TENM1: variants seen among roughly 807,000 people sequenced by gnomAD.
TENM1 encodes teneurin-1.
A neutral mutation model predicts 174.8 loss-of-function variants in TENM1; 35 were observed. The ratio of observed to expected loss-of-function variants is 0.20; its 90% CI spans 0.15 to 0.27. TENM1 has a LOEUF of 0.27. TENM1 is among the 10% of genes least tolerant of loss of function. TENM1 has a pLI of 1.00. For synonymous variants in TENM1, 781 were observed against 798.7 expected, an observed-to-expected ratio of 0.98 and a Z score of 0.37; for missense variants, 1,633 against 2,130.1, an observed-to-expected ratio of 0.77 and a Z score of 4.59.
chrX:124,552,965 A>C (rs1287972591), intron 14 of TENM1, among the ~76,000 whole-genome samples: 1 of 111,058 alleles, frequency 9.0e-6, no homozygotes, highest in Non-Finnish European at 1.9e-5. Context: ...GCCTTATTTT[A>C]ATCTTAATTT....
At chrX:124,470,374 T>C (rs958966992) in intron 22 of TENM1, among the ~76,000 whole-genome samples, 1 of 111,072 alleles carries the variant, frequency 9.0e-6, no homozygotes, top group African/African-American at 3.3e-5. Flanking sequence ...ATCTATATGG[T>C]ATGGTTTCCT....
chrX:124,705,983 G>C (rs1179354859), intron 4 of TENM1, among the ~76,000 whole-genome samples: 3 of 111,802 alleles, frequency 2.7e-5, no homozygotes, highest in Non-Finnish European at 5.6e-5. Flanking sequence ...TCGGCTCACT[G>C]CAACCTCCAT....
exon 31 of TENM1, chrX:124,382,743 T>G (rs756817062): frequency 2.1e-5 from 25 of 1,204,959 alleles, no homozygotes; most frequent in Middle Eastern, 2.3e-4. Flanking sequence ...ATTTTCTAAT[T>G]CAGGTTTGGG....
chrX:125,067,400 GA>G, the TENM1 span, among the ~76,000 whole-genome samples: 1 of 110,379 alleles, frequency 9.1e-6, no homozygotes, highest in African/African-American at 3.3e-5. Flanking sequence ...CCAGGTAAGG[GA>G]AATTTTGCCA....
chrX:124,976,993 T>C, the TENM1 span, among the ~76,000 whole-genome samples: 5 of 112,021 alleles, frequency 4.5e-5, no homozygotes, highest in African/African-American at 6.5e-5. Flanking sequence ...CTACATGGCA[T>C]AGTACAATGT....
chrX:125,104,053 T>G, the TENM1 span, among the ~76,000 whole-genome samples: 1 of 111,828 alleles, frequency 8.9e-6, no homozygotes, highest in Non-Finnish European at 1.9e-5. Context: ...TTAGAAAATA[T>G]AAACGAATCA....
At chrX:125,167,332 T>C in the TENM1 span, among the ~76,000 whole-genome samples, 1 of 111,440 alleles carries the variant, frequency 9.0e-6, no homozygotes, top group East Asian at 2.8e-4. Flanking sequence ...GTGGTCCCTC[T>C]AGGTGAGTCT....
chrX:124,407,851 G>T lies in TENM1; in HGVS notation c.4983-1362C>A, dbSNP rs986953994. On this transcript the variant is annotated intron_variant, in intron 25 of 31. Transcript: ENST00000422452. The stretch of plus-strand genomic sequence containing the variant: ...TGCCTAGCCTTAGATGTTAAATTGG[G>T]TGTCTCCTTTGTTTAAATGGATTTC... 3.5e-5 allele frequency among the ~76,000 whole-genome samples: 4 copies of T among 112,768 alleles called. No homozygotes were observed. In the South Asian group the frequency reaches 1.5e-3, roughly 41 times the overall value.
chrX:124,871,864 T>C, intron 3 of TENM1, among the ~76,000 whole-genome samples: 1 of 109,298 alleles, frequency 9.1e-6, no homozygotes, highest in Non-Finnish European at 1.9e-5. Flanking sequence ...AAACCCCGTC[T>C]CTACTAAAAA....
At chrX:124,861,557 A>C (rs1332157249) in intron 3 of TENM1, among the ~76,000 whole-genome samples, 1 of 112,070 alleles carries the variant, frequency 8.9e-6, no homozygotes, top group East Asian at 2.8e-4. Context: ...ACATTTATTA[A>C]AAACTTTGAT....
At chrX:124,780,289 G>C (rs1382710845) in intron 3 of TENM1, among the ~76,000 whole-genome samples, 1 of 112,074 alleles carries the variant, frequency 8.9e-6, no homozygotes, top group Admixed American at 9.5e-5. Context: ...ACTTCAAACA[G>C]TAAATTTCAC....
chrX:124,726,156 C>T (rs2053439009), intron 4 of TENM1, among the ~76,000 whole-genome samples: 1 of 112,412 alleles, frequency 8.9e-6, no homozygotes, highest in African/African-American at 3.2e-5. Context: ...TTTGCATTGC[C>T]AAGTAAATCT....
chrX:125,000,644 T>C, the TENM1 span, among the ~76,000 whole-genome samples: 1 of 111,922 alleles, frequency 8.9e-6, no homozygotes, highest in Non-Finnish European at 1.9e-5. Flanking sequence ...GCATGGAAAA[T>C]TCTAAACCCT....
At chrX:124,999,427 C>T in the TENM1 span, among the ~76,000 whole-genome samples, 1 of 110,746 alleles carries the variant, frequency 9.0e-6, no homozygotes. Context: ...GTTAAATTTC[C>T]GTGAGGGATC....
intron 24 of TENM1, among the ~76,000 whole-genome samples, chrX:124,421,833 T>C (rs1053064128): frequency 1.8e-5 from 2 of 111,562 alleles, no homozygotes; most frequent in Non-Finnish European, 3.8e-5. Context: ...CAACCACTTA[T>C]GGGGAAGTAA....
At chrX:124,479,363 C>T (rs2046798279) in intron 22 of TENM1, among the ~76,000 whole-genome samples, 1 of 112,075 alleles carries the variant, frequency 8.9e-6, no homozygotes, top group African/African-American at 3.2e-5. Context: ...GTTATCAGGG[C>T]TCTCTTATTG....
At chrX:125,176,635 T>C in the TENM1 span, among the ~76,000 whole-genome samples, 1 of 111,543 alleles carries the variant, frequency 9.0e-6, no homozygotes, top group Non-Finnish European at 1.9e-5. Flanking sequence ...CCCACTCCCA[T>C]GGTATTCTTT....
At chrX:124,705,138 C>G in exon 5 of TENM1, 2 of 1,211,039 alleles carry the variant, frequency 1.7e-6, no homozygotes, top group Non-Finnish European at 2.2e-6. Flanking sequence ...AAAGGTGCTT[C>G]GAGGAAGAGG....
intron 27 of TENM1, among the ~76,000 whole-genome samples, chrX:124,399,689 AG>A (rs1373513012): frequency 8.9e-6 from 1 of 112,172 alleles, no homozygotes; most frequent in Admixed American, 9.4e-5. Flanking sequence ...AAAATAGGCT[AG>A]GCACGGTGAC....
Sources: allele counts gnomAD v4.1 joint callset (sites outside exome capture counted in the v4.1 genomes callset), GRCh38; gene constraint gnomAD v4.1.1; transcripts MANE v1.5; gene names NCBI Gene and HGNC (gene_info 2026-07-23, HGNC 2026-07-21).